Variants in SLAMF1 observed in about 807,000 individuals in gnomAD.
SLAMF1 encodes the protein signaling lymphocytic activation molecule.
SLAMF1 carries 18 observed loss-of-function variants against 35.1 expected under a neutral mutation model. The observed-to-expected ratio is 0.51, with a 90% CI of 0.35 to 0.76. SLAMF1 has a LOEUF of 0.76. Ranked by LOEUF, SLAMF1 falls within the 30% of genes least tolerant of loss-of-function variation. The probability of loss-of-function intolerance (pLI) is 0.01; values close to 1 mark genes in which losing one functional copy is unlikely to be tolerated. For missense variants in SLAMF1, 392 were observed against 413.0 expected (o/e 0.95, Z 0.44); for synonymous variants, 168 against 157.2 (o/e 1.07, Z -0.51).
rs904247319 is a variant in SLAMF1, at chr1:160,610,643, C to G, written c.*105G>C. ...GGAGTTGATCTGAGAAGGGTACAGA[C>G]GTGCAGCATGTCTGCCAGAGGAAAC... On this transcript the variant is annotated 3_prime_UTR_variant, in exon 7 of 7. Coordinates refer to ENST00000302035, the MANE Select transcript of SLAMF1 (RefSeq NM_003037.5). The G allele has an allele frequency of 2.6e-6, 2 of 781,908 alleles. No individual in the cohort carries two copies. The highest frequency in any genetic ancestry group is 3.4e-5 in the African/African-American group (2 of 59,024). The allele number at this position is 781,908 out of a possible 1,614,324, so 48.4% of individuals were successfully genotyped here. A position where few individuals can be genotyped will look rare whatever the true frequency, so the allele number is the denominator to read the frequency against.
intron 4 of SLAMF1, among the ~76,000 whole-genome samples, 191 bp from the exon 5 acceptor site, chr1:160,620,040 A>G (rs1384967950): frequency 6.6e-6 from 1 of 152,184 alleles, no homozygotes; most frequent in Non-Finnish European, 1.5e-5. Context: ...CTCTAGGCCT[A>G]TCTGTGAAAT....
chr1:160,627,072 G>A (rs1422004321), intron 3 of SLAMF1, among the ~76,000 whole-genome samples: 2 of 152,148 alleles, frequency 1.3e-5, no homozygotes, highest in East Asian at 1.9e-4. Flanking sequence ...TTCAGTGATG[G>A]TATTTGGAGC....
Position 160,610,602 on chromosome 1 carries a change from G to A in SLAMF1, c.*146C>T, listed in dbSNP as rs1027975482. ...CTTGTTCATTTCACAGATGTATGTG[G>A]AAGAAACATCACCAGGGAGTTGATC... is the stretch of plus-strand genomic sequence containing the variant. On this transcript the variant is annotated 3_prime_UTR_variant, in exon 7 of 7. Coordinates refer to ENST00000302035, the MANE Select transcript of SLAMF1 (RefSeq NM_003037.5). The A allele has an allele frequency of 9.1e-6, 6 of 661,692 alleles. No individual in the cohort carries two copies. In the African/African-American group the frequency reaches 1.1e-4, roughly 12 times the overall value. The allele number at this position is 661,692 out of a possible 1,614,324, so 41.0% of individuals were successfully genotyped here.
At chr1:160,644,565 G>A (rs887838701) in intron 1 of SLAMF1, among the ~76,000 whole-genome samples, 1 of 152,194 alleles carries the variant, frequency 6.6e-6, no homozygotes, top group Admixed American at 6.5e-5. Flanking sequence ...CTGGGCAGTG[G>A]CTGTTGTTCA....
In SLAMF1 at chr1:160,646,907, C is replaced by G; in HGVS notation, c.39G>C (p.Leu13=). The stretch of plus-strand genomic sequence containing the variant: ...TTGCCCCAAAAGCCAGGGAGAGAAA[C>G]AGCACGAAGGTCAAGGAGAGGAGCC... The part of the protein sequence containing the change: ...PKGLLSLTFV[L]FLSLAFGASY... The change falls in exon 1 of 7, where the codon CTG becomes CTC. Residue 13 remains leucine, a synonymous_variant. Transcript: ENST00000302035. 6.2e-7 allele frequency: 1 copy of G among 1,609,356 alleles called. No homozygotes were observed. Among genetic ancestry groups the G allele is most frequent in the South Asian group, 1.1e-5 (1 of 90,924 alleles).
rs79562519 is a variant in SLAMF1 at position 160,612,632 on chromosome 1, C to T, written c.865-52G>A. On this transcript the variant is annotated intron_variant, in intron 5 of 6. Transcript: ENST00000302035. ...TAGCTGAACAGAGAGAGCTAGTTCTCACCCAACTCTCCGATAGAGAAGCAC... is the reference window on the plus strand; with the variant it reads ...TAGCTGAACAGAGAGAGCTAGTTCTTACCCAACTCTCCGATAGAGAAGCAC... 2,191 of 1,092,130 alleles carry T rather than the reference C, an allele frequency of 2.0e-3. 32 individuals carry two copies. The African/African-American group carries it at 0.03, about 15-fold the overall frequency. The allele number at this position is 1,092,130 out of a possible 1,614,324, so 67.7% of individuals were successfully genotyped here. A position where few individuals can be genotyped will look rare whatever the true frequency, so the allele number is the denominator to read the frequency against.
chr1:160,627,236 T>C (rs1438327453), intron 3 of SLAMF1, among the ~76,000 whole-genome samples: 2 of 152,210 alleles, frequency 1.3e-5, no homozygotes, highest in African/African-American at 2.4e-5. Context: ...TATAGTAATG[T>C]ATGGAAAGTG....
intron 3 of SLAMF1, among the ~76,000 whole-genome samples, chr1:160,632,829 C>CT (rs1461403290): frequency 6.6e-6 from 1 of 152,092 alleles, no homozygotes; most frequent in African/African-American, 2.4e-5. Flanking sequence ...ATTTTAAGTG[C>CT]TTTATCTCTT....
chr1:160,636,524 G>A (rs1046734254), intron 2 of SLAMF1, among the ~76,000 whole-genome samples: 1 of 152,216 alleles, frequency 6.6e-6, no homozygotes, highest in East Asian at 1.9e-4. Flanking sequence ...AGAGGGACTG[G>A]TAGTTAAAAA....
intron 1 of SLAMF1, among the ~76,000 whole-genome samples, chr1:160,645,730 G>A (rs1661006800): frequency 6.6e-6 from 1 of 152,152 alleles, no homozygotes; most frequent in South Asian, 2.1e-4. Flanking sequence ...CCTAGACCTT[G>A]GGAAGTACGA....
intron 1 of SLAMF1, among the ~76,000 whole-genome samples, chr1:160,646,196 G>A (rs552665474): frequency 6.6e-6 from 1 of 152,292 alleles, no homozygotes; most frequent in African/African-American, 2.4e-5. Context: ...TCCTGCTGGA[G>A]CTACTCTCTG....
At chr1:160,637,154 G>T (rs773712641) in intron 2 of SLAMF1, 37 bp downstream of exon 2, 1 of 1,443,898 alleles carries the variant, frequency 6.9e-7, no homozygotes. Flanking sequence ...GAGCACCTTG[G>T]CCCTTTAGTG....
In SLAMF1 at chr1:160,610,705, T is replaced by G; in HGVS notation, c.*43A>C. 1 of 1,535,928 alleles carries G rather than the reference T, an allele frequency of 6.5e-7. No individual in the cohort carries two copies. The highest frequency in any genetic ancestry group is 9.0e-7 in the Non-Finnish European group (1 of 1,109,342). The stretch of plus-strand genomic sequence containing the variant: ...GGCCAAGTTCAGTGTTCATTTTGGT[T>G]TTTCCATTTTCCTTCAGAAAGTCCC... On this transcript the variant is annotated 3_prime_UTR_variant, in exon 7 of 7. Transcript: ENST00000302035.
chr1:160,629,814 G>A (rs1408964198), intron 3 of SLAMF1, among the ~76,000 whole-genome samples: 1 of 152,192 alleles, frequency 6.6e-6, no homozygotes, highest in Admixed American at 6.5e-5. Flanking sequence ...CAGGCTCTGG[G>A]CTGTGCAAAG....
intron 3 of SLAMF1, among the ~76,000 whole-genome samples, chr1:160,629,303 G>GTCTCTC (rs10653393): frequency 2.0e-5 from 3 of 150,196 alleles, no homozygotes; most frequent in Non-Finnish European, 4.4e-5. Flanking sequence ...ACAGAAGCGT[G>GTCTCTC]TCTCTCTCTC....
intron 6 of SLAMF1, among the ~76,000 whole-genome samples, chr1:160,611,963 C>T (rs1570960454): frequency 6.6e-6 from 1 of 152,100 alleles, no homozygotes; most frequent in Non-Finnish European, 1.5e-5. Context: ...TCTATGGCTA[C>T]TCTCCATAGA....
At chr1:160,628,759 G>A (rs1660011601) in intron 3 of SLAMF1, among the ~76,000 whole-genome samples, 1 of 152,204 alleles carries the variant, frequency 6.6e-6, no homozygotes. Flanking sequence ...AAGGAATGCA[G>A]GGTCACCTGC....
chr1:160,626,267 C>T (rs956145670), intron 3 of SLAMF1, among the ~76,000 whole-genome samples: 5 of 152,188 alleles, frequency 3.3e-5, no homozygotes, highest in African/African-American at 1.2e-4. Context: ...TCCTCTCCCT[C>T]GCGCCCGACG....
At chr1:160,645,017 G>T (rs1183572035) in intron 1 of SLAMF1, among the ~76,000 whole-genome samples, 1 of 152,190 alleles carries the variant, frequency 6.6e-6, no homozygotes, top group East Asian at 1.9e-4. Context: ...GGGCATATGG[G>T]AAATCTCTGT....
Sources: gnomAD v4.1 joint callset for allele counts (sites outside exome capture counted in the v4.1 genomes callset) on GRCh38, gnomAD v4.1.1 for gene constraint, MANE v1.5 for transcripts, NCBI Gene and HGNC (gene_info 2026-07-23, HGNC 2026-07-21) for gene names.